TEX11: variants seen among roughly 807,000 people sequenced by gnomAD.
The protein encoded by TEX11 is testis expressed 11, also known as testis-expressed protein 11.
TEX11 carries 7 observed loss-of-function variants against 84.4 expected under a neutral mutation model. The observed-to-expected ratio is 0.08, with a 90% CI of 0.05 to 0.16. TEX11 has a LOEUF of 0.16. Ranked by LOEUF, TEX11 falls within the 10% of genes least tolerant of loss-of-function variation. TEX11 has a pLI of 1.00. For synonymous variants in TEX11, 264 were observed against 222.8 expected, an observed-to-expected ratio of 1.18 and a Z score of -1.64; for missense variants, 551 against 660.5, an observed-to-expected ratio of 0.83 and a Z score of 1.82.
chrX:70,824,968 C>T (rs1054961945), intron 8 of TEX11, among the ~76,000 whole-genome samples: 2 of 111,009 alleles, frequency 1.8e-5, no homozygotes, highest in Admixed American at 9.7e-5. Context: ...ATAAAAATAT[C>T]GACACTCTCC....
chrX:70,736,725 A>G (rs2090698917), intron 11 of TEX11, among the ~76,000 whole-genome samples: 1 of 111,700 alleles, frequency 9.0e-6, no homozygotes, highest in Non-Finnish European at 1.9e-5. Context: ...GGCTGATGCC[A>G]ATAAAAAGTT....
At chrX:70,713,317 C>G (rs1175255294) in intron 13 of TEX11, among the ~76,000 whole-genome samples, 33 of 111,578 alleles carry the variant, frequency 3.0e-4, no homozygotes, top group Admixed American at 1.2e-3. Flanking sequence ...AAGTGAGTTA[C>G]GGAGGATTCC....
At chrX:70,794,021 C>G (rs757461963) in intron 9 of TEX11, among the ~76,000 whole-genome samples, 1 of 111,703 alleles carries the variant, frequency 9.0e-6, no homozygotes, top group African/African-American at 3.3e-5. Context: ...ACTATCTGCA[C>G]AAAAAAAGCA....
chrX:70,880,938 C>G (rs1256902750), intron 2 of TEX11, among the ~76,000 whole-genome samples: 1 of 96,857 alleles, frequency 1.0e-5, no homozygotes, highest in African/African-American at 4.0e-5. Context: ...ACTCAGGAGG[C>G]TGTGGCAGGA....
chrX:70,764,505 A>G (rs1251860888), intron 9 of TEX11, among the ~76,000 whole-genome samples: 1 of 112,103 alleles, frequency 8.9e-6, no homozygotes, highest in East Asian at 2.8e-4. Context: ...AAATTGAAAT[A>G]AAGAAAATAA....
chrX:70,667,486 A>C (rs1457745187), intron 16 of TEX11, among the ~76,000 whole-genome samples: 1 of 112,237 alleles, frequency 8.9e-6, no homozygotes, highest in Non-Finnish European at 1.9e-5. Context: ...CAATAAATAA[A>C]TATTTTTGAA....
intron 13 of TEX11, among the ~76,000 whole-genome samples, chrX:70,716,964 T>C (rs7878836): frequency 0.079 from 8,913 of 112,248 alleles, 431 homozygotes; most frequent in Admixed American, 0.25. Flanking sequence ...ACTTAAATGT[T>C]AATGTCAGAG....
chrX:70,587,876 G>A (rs968068026), intron 25 of TEX11, among the ~76,000 whole-genome samples: 7 of 112,618 alleles, frequency 6.2e-5, no homozygotes, highest in African/African-American at 1.6e-4. Flanking sequence ...TGCCCAAGAC[G>A]ATGGGAACCC....
rs191227866 is a variant in TEX11 at position 70,569,760 on chromosome X, G to A, written c.2141-14960C>T. 7.6e-3 allele frequency among the ~76,000 whole-genome samples: 846 copies of A among 111,105 alleles called. 5 individuals are homozygous for A. The highest frequency in any genetic ancestry group is 0.012 in the Non-Finnish European group (652 of 52,974). ...GCAAATGCTGCTGTCTGATCGTTCC[G>A]CTGGAAGTTTTGTCTCAGAGGAGTA... On this transcript the variant is annotated intron_variant, in intron 25 of 29. Transcript: ENST00000374333.
At chrX:70,695,588 C>T (rs2090273416) in intron 13 of TEX11, among the ~76,000 whole-genome samples, 1 of 111,827 alleles carries the variant, frequency 8.9e-6, no homozygotes. Flanking sequence ...TTATTGTACA[C>T]TTATTCCAAA....
chrX:70,838,921 G>A (rs2091423004), intron 7 of TEX11, among the ~76,000 whole-genome samples: 5 of 112,370 alleles, frequency 4.4e-5, no homozygotes, highest in Admixed American at 9.4e-5. Flanking sequence ...CTGCAAGGTG[G>A]CAGCGAGGCT....
intron 25 of TEX11, among the ~76,000 whole-genome samples, chrX:70,589,837 G>A (rs1338342890): frequency 8.9e-6 from 1 of 112,053 alleles, no homozygotes; most frequent in African/African-American, 3.2e-5. Flanking sequence ...GAAAAGTCAC[G>A]GAGGCAATGA....
chrX:70,858,765 C>T (rs183017863), intron 5 of TEX11, among the ~76,000 whole-genome samples: 111 of 111,873 alleles, frequency 9.9e-4, no homozygotes, highest in Middle Eastern at 4.6e-3. Flanking sequence ...TGGCCAGGCG[C>T]GGTGGCTCAT....
chrX:70,660,142 G>C (rs2089911219), intron 16 of TEX11, among the ~76,000 whole-genome samples: 1 of 111,457 alleles, frequency 9.0e-6, no homozygotes, highest in African/African-American at 3.3e-5. Flanking sequence ...ACTTGTATAG[G>C]GTACTTACAT....
chrX:70,729,961 T>C (rs1289361545), intron 11 of TEX11, among the ~76,000 whole-genome samples: 1 of 112,399 alleles, frequency 8.9e-6, no homozygotes, highest in Non-Finnish European at 1.9e-5. Flanking sequence ...AGCTGATCTC[T>C]CGGCAGAAAC....
intron 17 of TEX11, among the ~76,000 whole-genome samples, chrX:70,640,069 C>T (rs914885547): frequency 9.3e-6 from 1 of 107,858 alleles, no homozygotes; most frequent in Non-Finnish European, 1.9e-5. Context: ...CAGAGAAGTG[C>T]TTAAAGGAGC....
At position 70,894,835 on chromosome X, in the gene TEX11, C is replaced by G. The variant is rs578247494; in HGVS notation, c.37+12918G>C. 3.4e-4 allele frequency among the ~76,000 whole-genome samples: 38 copies of G among 111,383 alleles called. No homozygotes were observed. The Admixed American group carries it at 3.5e-3, about 10-fold the overall frequency. On this transcript the variant is annotated intron_variant, in intron 2 of 29. Coordinates refer to ENST00000374333, the MANE Select transcript of TEX11 (RefSeq NM_031276.3). ...AAAGCCTTTAATAAAATTCAACAGC[C>G]CTTCATGCTAAAAACTCTCAATAAA...
chrX:70,771,331 G>A (rs1178789848), intron 9 of TEX11, among the ~76,000 whole-genome samples: 2 of 111,566 alleles, frequency 1.8e-5, no homozygotes, highest in Non-Finnish European at 3.8e-5. Flanking sequence ...ATTTATTATG[G>A]TCAATGTTAT....
chrX:70,525,943 C>T (rs1050738917), downstream of TEX11, among the ~76,000 whole-genome samples: 2 of 111,412 alleles, frequency 1.8e-5, no homozygotes, highest in Non-Finnish European at 3.8e-5. Flanking sequence ...GTTTCTTTCC[C>T]TTCTCCTCGG....
Sources: gnomAD v4.1 joint callset for allele counts (sites outside exome capture counted in the v4.1 genomes callset) on GRCh38, gnomAD v4.1.1 for gene constraint, MANE v1.5 for transcripts, NCBI Gene and HGNC (gene_info 2026-07-23, HGNC 2026-07-21) for gene names.